The following SLC22A6 variants were observed in gnomAD, a reference collection of about 807,000 sequenced individuals.
The protein encoded by SLC22A6 is solute carrier family 22 member 6.
Under a neutral mutation model 56.7 loss-of-function variants are expected in SLC22A6, and 45 were observed. The observed-to-expected ratio is 0.79, with a 90% CI of 0.63 to 1.02. The LOEUF is 1.02. SLC22A6 is among the 50% of genes least tolerant of loss of function. SLC22A6 has a pLI of 0.00. For synonymous variants in SLC22A6, 291 were observed against 295.9 expected (o/e 0.98, Z 0.17); for missense variants, 606 against 713.8 (o/e 0.85, Z 1.72).
intron 6 of SLC22A6, among the ~76,000 whole-genome samples, chr11:62,980,541 CAAAGGG>C (rs2086241041): frequency 6.6e-6 from 1 of 152,190 alleles, no homozygotes; most frequent in Non-Finnish European, 1.5e-5. Context: ...GGGAGTGTTG[CAAAGGG>C]AAAGGAAGAT....
At position 62,976,866 on chromosome 11, in the gene SLC22A6, C is replaced by T. The variant is rs374994434; in HGVS notation, c.1581G>A (p.Thr527=). Residue 527 remains threonine, a synonymous_variant, in exon 10 of 10, where the codon ACG becomes ACA. Transcript: ENST00000360421. ...QDLESRKGKQ[T]RQQQEHQKYM... is the part of the protein sequence containing the mutation. The stretch of plus-strand genomic sequence containing the variant: ...ACTTCTGGTGCTCTTGTTGCTGTCG[C>T]GTCTGTTTCCCTTTCCTGCAGGGCG... 5.5e-5 allele frequency: 89 copies of T among 1,613,918 alleles called. No homozygotes were observed. The highest frequency in any genetic ancestry group is 1.4e-4 in the South Asian group (13 of 91,054).
Position 62,984,747 on chromosome 11 carries a change from G to C in SLC22A6, c.-57C>G. The C allele has an allele frequency of 6.5e-7, 1 of 1,542,218 alleles. No homozygotes were observed. On this transcript the variant is annotated 5_prime_UTR_variant, in exon 1 of 10. Coordinates refer to ENST00000360421, the MANE Select transcript of SLC22A6 (RefSeq NM_153276.3). The stretch of plus-strand genomic sequence containing the variant: ...GAGGCCTTCCAGTCCCAGGACCTCT[G>C]TCTGTCTGCCTGCCTGCTGTCCTTC...
Position 62,983,834 on chromosome 11 carries a change from C to G in SLC22A6, c.473+110G>C. ...GAAGTATGAGGCTGGTGCTGTAGAT[C>G]CTCAAACCAGCGCCGGCTGGCAATG... On this transcript the variant is annotated intron_variant, in intron 2 of 9. Coordinates refer to ENST00000360421, the MANE Select transcript of SLC22A6 (RefSeq NM_153276.3). The surrounding 1 kb of genome is among the most constrained non-coding windows in gnomAD (Gnocchi z 4.5). 1 of 1,184,714 alleles carries G rather than the reference C, an allele frequency of 8.4e-7. No individual in the cohort carries two copies. Among genetic ancestry groups the G allele is most frequent in the Non-Finnish European group, 1.2e-6 (1 of 840,644 alleles). 73.4% of individuals were successfully genotyped at this position (1,184,714 alleles called of 1,614,324 possible).
At position 62,984,899 on chromosome 11, in the gene SLC22A6, T is replaced by A; in HGVS notation, c.-209A>T. The A allele has an allele frequency of 5.1e-6, 3 of 582,738 alleles. No homozygotes were observed. The highest frequency in any genetic ancestry group is 9.1e-6 in the Non-Finnish European group (3 of 329,416). The allele number at this position is 582,738 out of a possible 1,614,324, so 36.1% of individuals were successfully genotyped here. On this transcript the variant is annotated 5_prime_UTR_variant, in exon 1 of 10. Coordinates refer to ENST00000360421, the MANE Select transcript of SLC22A6 (RefSeq NM_153276.3). ...CTTCTTCCCCGGTCTCCCTGATCTG[T>A]CCCTCCCTTTTCCCTTGCAGCTTCT... is the stretch of plus-strand genomic sequence containing the variant.
intron 8 of SLC22A6, among the ~76,000 whole-genome samples, chr11:62,978,426 C>T (rs1401541374): frequency 1.3e-5 from 2 of 151,490 alleles, no homozygotes; most frequent in Non-Finnish European, 2.9e-5. Flanking sequence ...CAGCTTATTG[C>T]AACCTCCGCC....
Position 62,983,854 on chromosome 11 carries a change from G to T in SLC22A6, c.473+90C>A. 8.3e-7 allele frequency: 1 copy of T among 1,198,860 alleles called. No homozygotes were observed. Among genetic ancestry groups the T allele is most frequent in the Non-Finnish European group, 1.2e-6 (1 of 848,830 alleles). 74.3% of individuals were successfully genotyped at this position (1,198,860 alleles called of 1,614,324 possible). A position where few individuals can be genotyped will look rare whatever the true frequency, so the allele number is the denominator to read the frequency against. ...TAGATCCTCAAACCAGCGCCGGCTGGCAATGCCAAGCTCCCACCTAGACAC... is the reference window on the plus strand; with the variant it reads ...TAGATCCTCAAACCAGCGCCGGCTGTCAATGCCAAGCTCCCACCTAGACAC... On this transcript the variant is annotated intron_variant, in intron 2 of 9. Transcript: ENST00000360421. This position sits in a 1 kb window ranked among gnomAD's most constrained non-coding sequence, Gnocchi z 4.5.
chr11:62,982,950 C>T (rs572356455), intron 3 of SLC22A6, among the ~76,000 whole-genome samples: 33 of 152,316 alleles, frequency 2.2e-4, no homozygotes, highest in African/African-American at 7.9e-4. Context: ...ATGAAGGTGT[C>T]TCTCCTTTGA....
Position 62,983,689 on chromosome 11 carries a change from A to G in SLC22A6, c.476T>C (p.Leu159Pro). 1 of 1,607,574 alleles carries G rather than the reference A, an allele frequency of 6.2e-7. No homozygotes were observed. The highest frequency in any genetic ancestry group is 1.1e-5 in the South Asian group (1 of 90,336). The change falls in exon 3 of 10, where the codon CTA becomes CCA. Residue 159 changes from leucine to proline, a missense_variant and splice_region_variant. Coordinates refer to ENST00000360421, the MANE Select transcript of SLC22A6 (RefSeq NM_153276.3). The surrounding 1 kb of genome is among the most constrained non-coding windows in gnomAD (Gnocchi z 4.5). The stretch of plus-strand genomic sequence containing the variant: ...CAAGATGAGTACCTTCCGGCGGCCT[A>G]GCCTGTGGGAGGAGGGGAGACTTGT... ...AMVFGYLADR[L>P]GRRKVLILNY...
chr11:62,978,377 T>C (rs1221375711), intron 8 of SLC22A6, among the ~76,000 whole-genome samples: 1 of 150,280 alleles, frequency 6.7e-6, no homozygotes, highest in African/African-American at 2.4e-5. Context: ...AGACAGAGTC[T>C]CACTCTCTTG....
Position 62,981,262 on chromosome 11 carries a change from C to T in SLC22A6, c.919G>A (p.Glu307Lys). Residue 307 changes from glutamate (E) to lysine (K), a missense_variant and splice_region_variant, in exon 5 of 10, where the codon GAG becomes AAG. Coordinates refer to ENST00000360421, the MANE Select transcript of SLC22A6 (RefSeq NM_153276.3). ...TGGGAAGTCTCAGGGGATCTCACCT[C>T]CATACTCAATTTGGCTCCTTCTTCC... The part of the protein sequence containing the change: ...KREEGAKLSM[E>K]VLRASLQKEL... 1 of 1,609,670 alleles carries T rather than the reference C, an allele frequency of 6.2e-7. No homozygotes were observed. The highest frequency in any genetic ancestry group is 8.5e-7 in the Non-Finnish European group (1 of 1,178,166).
Position 62,983,626 on chromosome 11 carries a change from G to A in SLC22A6, c.539C>T (p.Ala180Val), listed in dbSNP as rs148475665. 3.1e-6 allele frequency: 5 copies of A among 1,610,402 alleles called. No individual in the cohort carries two copies. Among genetic ancestry groups the A allele is most frequent in the Non-Finnish European group, 3.4e-6 (4 of 1,178,566 alleles). ...GTAGATGGGGAAGTTGGGTGCGAAG[G>A]CTGCGCAGGTCCCTGACACAGCTGT... ...LQTAVSGTCAAFAPNFPIYCA... is the reference protein window; with the variant it reads ...LQTAVSGTCAVFAPNFPIYCA... Residue 180 changes from alanine to valine, a missense_variant, in exon 3 of 10, where the codon GCC (alanine) becomes GTC (valine). Physicochemically the swap from Ala to Val is moderately conservative, Grantham distance 64. Coordinates refer to ENST00000360421, the MANE Select transcript of SLC22A6 (RefSeq NM_153276.3). The surrounding 1 kb of genome is among the most constrained non-coding windows in gnomAD (Gnocchi z 4.5).
At chr11:62,979,257 C>A (rs2086224369) in intron 8 of SLC22A6, among the ~76,000 whole-genome samples, 1 of 152,182 alleles carries the variant, frequency 6.6e-6, no homozygotes, top group African/African-American at 2.4e-5. Flanking sequence ...CAGTTGGTGG[C>A]TACTTTTGAG....
At chr11:62,979,996 G>A (rs756080408) in intron 6 of SLC22A6, 48 bp from the exon 7 acceptor site, 1 of 1,393,230 alleles carries the variant, frequency 7.2e-7, no homozygotes, top group South Asian at 1.2e-5. Context: ...AAGGCTTAAA[G>A]TGGGGTGCTC....
intron 4 of SLC22A6, 148 bp from the exon 5 acceptor site, chr11:62,981,531 A>G: frequency 1.6e-6 from 1 of 636,250 alleles, no homozygotes; most frequent in Non-Finnish European, 2.7e-6. Context: ...TCTCTCTAGG[A>G]CCACGAGGCA....
chr11:62,981,725 G>T lies in SLC22A6; in HGVS notation c.797+117C>A, dbSNP rs1262241100. On this transcript the variant is annotated intron_variant, in intron 4 of 9. Coordinates refer to ENST00000360421, the MANE Select transcript of SLC22A6 (RefSeq NM_153276.3). ...TCTGTCACACAGAGGCATTGGACTG[G>T]GTTTGACCTTCTCTACATTTGTGGG... 8 of 1,072,656 alleles carry T rather than the reference G, an allele frequency of 7.5e-6. No homozygotes were observed. In the Admixed American group the frequency reaches 1.1e-4, roughly 15 times the overall value. The allele number at this position is 1,072,656 out of a possible 1,614,324, so 66.4% of individuals were successfully genotyped here.
rs2086287763 is a variant in SLC22A6, at chr11:62,984,057, G to C, written c.370-10C>G. The C allele has an allele frequency of 6.3e-7, 1 of 1,587,128 alleles. No homozygotes were observed. Among genetic ancestry groups the C allele is most frequent in the Non-Finnish European group, 8.6e-7 (1 of 1,157,594 alleles). ...AGCACACAAGGTCCCACTGTGGGGA[G>C]AGGAGCAAGGGTCAGGCAGAGATGA... On this transcript the variant is annotated splice_polypyrimidine_tract_variant and intron_variant, in intron 1 of 9. Coordinates refer to ENST00000360421, the MANE Select transcript of SLC22A6 (RefSeq NM_153276.3).
At chr11:62,981,187 C>T (rs940115177) in intron 5 of SLC22A6, 73 bp downstream of exon 5, 6 of 1,604,394 alleles carry the variant, frequency 3.7e-6, no homozygotes, top group African/African-American at 2.7e-5. Context: ...GTTCCCTGGG[C>T]CCTGGGTCCT....
intron 1 of SLC22A6, 73 bp downstream of exon 1, chr11:62,984,249 C>CTT (rs4149175): frequency 0.039 from 52,781 of 1,368,792 alleles, 191 homozygotes; most frequent in Middle Eastern, 0.052. Context: ...TCTCCATGTA[C>CTT]TTTTTTTTTT....
At position 62,984,867 on chromosome 11, in the gene SLC22A6, G is replaced by C. The variant is rs1476308782; in HGVS notation, c.-177C>G. 1 of 627,528 alleles carries C rather than the reference G, an allele frequency of 1.6e-6. No homozygotes were observed. The highest frequency in any genetic ancestry group is 1.8e-5 in the African/African-American group (1 of 54,266). 38.9% of individuals were successfully genotyped at this position (627,528 alleles called of 1,614,324 possible). A position where few individuals can be genotyped will look rare whatever the true frequency, so the allele number is the denominator to read the frequency against. ...TGGGGGGACAGCAGCCTCCTTGGCT[G>C]CTCCTCCTTCTTCCCCGGTCTCCCT... On this transcript the variant is annotated 5_prime_UTR_variant, in exon 1 of 10. Coordinates refer to ENST00000360421, the MANE Select transcript of SLC22A6 (RefSeq NM_153276.3).
Sources: gnomAD v4.1 joint callset for allele counts (sites outside exome capture counted in the v4.1 genomes callset) on GRCh38, gnomAD v4.1.1 for gene constraint, Gnocchi (gnomAD v3.1) non-coding constraint, MANE v1.5 for transcripts, NCBI Gene and HGNC (gene_info 2026-07-23, HGNC 2026-07-21) for gene names.